The following COL26A1 variants were observed in gnomAD, a reference collection of about 807,000 sequenced individuals.
COL26A1 encodes the protein collagen type XXVI alpha 1 chain.
A neutral mutation model predicts 59.3 loss-of-function variants in COL26A1; 41 were observed. The observed-to-expected ratio is 0.69, with a 90% CI of 0.54 to 0.90. COL26A1 has a LOEUF of 0.90. Ranked by LOEUF, COL26A1 falls within the 40% of genes least tolerant of loss-of-function variation. The probability of loss-of-function intolerance (pLI) is 0.00; values close to 1 mark genes in which losing one functional copy is unlikely to be tolerated. For synonymous variants in COL26A1, 266 were observed against 256.0 expected (o/e 1.04, Z -0.37); for missense variants, 612 against 602.3 (o/e 1.02, Z -0.17).
intron 10 of COL26A1, among the ~76,000 whole-genome samples, chr7:101,552,972 G>A (rs1402606836): frequency 3.3e-5 from 5 of 152,182 alleles, no homozygotes; most frequent in African/African-American, 1.2e-4. Flanking sequence ...CTGGCCTTGT[G>A]TTGGAGACAG....
At chr7:101,456,171 T>A (rs150334590) in intron 3 of COL26A1, among the ~76,000 whole-genome samples, 38,953 of 115,116 alleles carry the variant, frequency 0.34, 5,554 homozygotes, top group Middle Eastern at 0.42. Flanking sequence ...TATATATATT[T>A]TTTTTTTAAT....
At chr7:101,533,671 G>T (rs1795417323) in intron 4 of COL26A1, among the ~76,000 whole-genome samples, 1 of 152,238 alleles carries the variant, frequency 6.6e-6, no homozygotes, top group Admixed American at 6.5e-5. Context: ...GGCAGGGAGA[G>T]AGGCCAAGAA....
In COL26A1 at chr7:101,553,418, C is replaced by T. The variant is rs1425656859; in HGVS notation, c.1080+42C>T. On this transcript the variant is annotated intron_variant, in intron 11 of 12. Transcript: ENST00000313669. ...TTCACGTTCCCTCCCGCCTCCTTGG[C>T]TGTGAGCACTGTCACGGGAGGGCAG... The T allele has an allele frequency of 2.5e-6, 4 of 1,590,118 alleles. No homozygotes were observed. In the African/African-American group the frequency reaches 5.4e-5, roughly 21 times the overall value.
chr7:101,377,664 C>G (rs150744376), intron 1 of COL26A1, among the ~76,000 whole-genome samples: 1 of 151,732 alleles, frequency 6.6e-6, no homozygotes, highest in East Asian at 2.0e-4. Flanking sequence ...TGGGCTCAAG[C>G]GATTCTCCTC....
chr7:101,499,478 G>A (rs914084556), intron 3 of COL26A1, among the ~76,000 whole-genome samples: 16 of 152,314 alleles, frequency 1.1e-4, no homozygotes, highest in African/African-American at 3.4e-4. Flanking sequence ...AAGGTCAGGA[G>A]TTCGAGACCA....
At chr7:101,369,988 T>A (rs370552726) in intron 1 of COL26A1, among the ~76,000 whole-genome samples, 1 of 151,848 alleles carries the variant, frequency 6.6e-6, no homozygotes, top group East Asian at 1.9e-4. Flanking sequence ...TCAGCCTCCG[T>A]AGTAGCTGGG....
intron 1 of COL26A1, among the ~76,000 whole-genome samples, chr7:101,414,748 T>C (rs908439123): frequency 1.3e-4 from 20 of 152,178 alleles, no homozygotes; most frequent in African/African-American, 4.8e-4. Context: ...ACCTTTCTTT[T>C]TGGAAACACA....
intron 1 of COL26A1, among the ~76,000 whole-genome samples, chr7:101,370,399 C>G (rs1332372329): frequency 6.6e-6 from 1 of 151,418 alleles, no homozygotes; most frequent in Non-Finnish European, 1.5e-5. Context: ...GAGACGGAGT[C>G]TGGCTCTGTT....
intron 3 of COL26A1, among the ~76,000 whole-genome samples, chr7:101,529,915 T>C (rs1032992905): frequency 6.6e-6 from 1 of 152,178 alleles, no homozygotes; most frequent in Non-Finnish European, 1.5e-5. Flanking sequence ...CATGCATCTC[T>C]GCTTTCAAGT....
At chr7:101,391,509 C>A (rs1460438446) in intron 1 of COL26A1, among the ~76,000 whole-genome samples, 1 of 152,122 alleles carries the variant, frequency 6.6e-6, no homozygotes, top group Non-Finnish European at 1.5e-5. Flanking sequence ...TCTAGGTCTT[C>A]TCTATGGTTC....
chr7:101,413,818 C>T (rs983403545), intron 1 of COL26A1, among the ~76,000 whole-genome samples: 11 of 152,160 alleles, frequency 7.2e-5, no homozygotes, highest in African/African-American at 2.7e-4. Flanking sequence ...CCAGTTCTGT[C>T]CTCCTGGGTC....
At chr7:101,480,557 A>G (rs1170639395) in intron 3 of COL26A1, among the ~76,000 whole-genome samples, 2 of 151,950 alleles carry the variant, frequency 1.3e-5, no homozygotes, top group Non-Finnish European at 1.5e-5. Context: ...CTGGAGTGTC[A>G]TAGTGCAATC....
At chr7:101,524,163 C>T (rs1039780678) in intron 3 of COL26A1, among the ~76,000 whole-genome samples, 2 of 151,188 alleles carry the variant, frequency 1.3e-5, no homozygotes, top group Non-Finnish European at 2.9e-5. Context: ...CTCAGCTACT[C>T]GTGAGGCTGA....
chr7:101,431,128 C>T (rs756526612), intron 2 of COL26A1, among the ~76,000 whole-genome samples: 8 of 152,040 alleles, frequency 5.3e-5, no homozygotes, highest in Non-Finnish European at 7.4e-5. Context: ...TATTTTCTTG[C>T]CTGTGTACTG....
chr7:101,480,364 T>C (rs1794129527), intron 3 of COL26A1, among the ~76,000 whole-genome samples: 1 of 152,202 alleles, frequency 6.6e-6, no homozygotes, highest in East Asian at 1.9e-4. Context: ...TTCTACCCTA[T>C]TTTCAACTCC....
At chr7:101,369,931 C>T (rs193270338) in intron 1 of COL26A1, among the ~76,000 whole-genome samples, 3,848 of 151,596 alleles carry the variant, frequency 0.025, 155 homozygotes, top group African/African-American at 0.081. Context: ...GGCATGATCT[C>T]GGCTCACCGC....
At chr7:101,543,805 G>A (rs1030212432) in intron 5 of COL26A1, among the ~76,000 whole-genome samples, 193 bp from the exon 6 acceptor site, 3 of 152,250 alleles carry the variant, frequency 2.0e-5, no homozygotes, top group Non-Finnish European at 4.4e-5. Context: ...ATAGATGTTT[G>A]TAAGTGCAAA....
chr7:101,427,522 C>T (rs1045911044), intron 2 of COL26A1, among the ~76,000 whole-genome samples: 4 of 152,106 alleles, frequency 2.6e-5, no homozygotes, highest in Non-Finnish European at 5.9e-5. Flanking sequence ...ATTAGTCAGG[C>T]ATGGTGGCAG....
intron 1 of COL26A1, among the ~76,000 whole-genome samples, chr7:101,392,040 A>G (rs1364608736): frequency 6.6e-6 from 1 of 152,124 alleles, no homozygotes; most frequent in African/African-American, 2.4e-5. Context: ...CTCAGAGTCC[A>G]GCAGGGCAGT....
Sources: allele counts gnomAD v4.1 joint callset (sites outside exome capture counted in the v4.1 genomes callset), GRCh38; gene constraint gnomAD v4.1.1; transcripts MANE v1.5; gene names NCBI Gene and HGNC (gene_info 2026-07-23, HGNC 2026-07-21).